CHD9: variants seen among roughly 807,000 people sequenced by gnomAD.
CHD9 encodes the protein chromodomain helicase DNA binding protein 9, also known as ATP-dependent chromatin remodeler CHD9.
CHD9 carries 77 observed loss-of-function variants against 316.1 expected under a neutral mutation model. The observed-to-expected ratio is 0.24, with a 90% CI of 0.20 to 0.29. The LOEUF is 0.29. Ranked by LOEUF, CHD9 falls within the 10% of genes least tolerant of loss-of-function variation. CHD9 has a pLI of 1.00. For missense variants in CHD9, 2,763 were observed against 3,438.1 expected (o/e 0.80, Z 4.91); for synonymous variants, 1,129 against 1,158.3 (o/e 0.97, Z 0.51).
chr16:53,307,600 C>T (rs967287778), intron 32 of CHD9, 81 bp from the exon 33 acceptor site: 1 of 1,293,546 alleles, frequency 7.7e-7, no homozygotes. Flanking sequence ...AGGGTTAAAT[C>T]CATAGACTCT....
chr16:53,059,585 T>C lies in CHD9; in HGVS notation c.-165+4508T>C, dbSNP rs547029626. 9.9e-5 allele frequency among the ~76,000 whole-genome samples: 15 copies of C among 152,266 alleles called. No individual in the cohort carries two copies. The East Asian group carries it at 2.7e-3, about 27-fold the overall frequency. ...GTCATAAAGATGTGGCAAAAGGAAA[T>C]GTGAGGTTCTGATTCAAACTGCCCC... On this transcript the variant is annotated intron_variant, in intron 1 of 38. Transcript: ENST00000447540.
intron 30 of CHD9, among the ~76,000 whole-genome samples, chr16:53,302,263 T>C (rs2055513217): frequency 6.6e-6 from 1 of 152,248 alleles, no homozygotes; most frequent in East Asian, 1.9e-4. Context: ...CGTAACAGGT[T>C]CTCAGCTGTT....
chr16:53,117,711 C>T (rs988152853), intron 1 of CHD9, among the ~76,000 whole-genome samples: 6 of 152,188 alleles, frequency 3.9e-5, no homozygotes, highest in South Asian at 2.1e-4. Flanking sequence ...CCATTGCACC[C>T]GGCCTGACAT....
intron 31 of CHD9, among the ~76,000 whole-genome samples, chr16:53,305,995 C>T (rs894374233): frequency 4.6e-5 from 7 of 152,112 alleles, no homozygotes; most frequent in African/African-American, 1.7e-4. Flanking sequence ...GAAGCTGAGG[C>T]AGGAGTATTG....
At position 53,079,626 on chromosome 16, in the gene CHD9, C is replaced by T. The variant is rs534523753; in HGVS notation, c.-165+24549C>T. On this transcript the variant is annotated intron_variant, in intron 1 of 38. Transcript: ENST00000447540. ...TCTTTTGGTTGGAATCCTAGATAGCCTCAGGGTATGGCTGGTCACCAAAAA... is the reference window on the plus strand; with the variant it reads ...TCTTTTGGTTGGAATCCTAGATAGCTTCAGGGTATGGCTGGTCACCAAAAA... Among the ~76,000 whole-genome samples the T allele has an allele frequency of 2.3e-3, 352 of 152,216 alleles. 3 individuals are homozygous for T. Among genetic ancestry groups the T allele is most frequent in the African/African-American group, 8.2e-3 (339 of 41,518 alleles).
intron 1 of CHD9, among the ~76,000 whole-genome samples, chr16:53,149,332 CTAT>C (rs2040895174): frequency 6.6e-6 from 1 of 152,090 alleles, no homozygotes; most frequent in Non-Finnish European, 1.5e-5. Flanking sequence ...GTTGGTCTAT[CTAT>C]TATTGAAAAT....
chr16:53,305,510 T>C (rs1267665338), intron 31 of CHD9, among the ~76,000 whole-genome samples: 1 of 152,242 alleles, frequency 6.6e-6, no homozygotes, highest in Non-Finnish European at 1.5e-5. Context: ...CACAGTAGTT[T>C]ATTTGTGATT....
chr16:53,163,248 T>A (rs1212466264), intron 2 of CHD9, among the ~76,000 whole-genome samples: 4 of 152,200 alleles, frequency 2.6e-5, no homozygotes, highest in Non-Finnish European at 5.9e-5. Context: ...TTCACTTTTG[T>A]TGCCCAGGCT....
chr16:53,250,249 A>G (rs2050012370), intron 17 of CHD9, 183 bp downstream of exon 17: 3 of 571,050 alleles, frequency 5.3e-6, no homozygotes, highest in South Asian at 2.4e-5. Flanking sequence ...CTATAATGAC[A>G]AAAATTTTTA....
intron 37 of CHD9, 132 bp from the exon 38 acceptor site, chr16:53,321,394 C>A (rs1189330661): frequency 1.6e-5 from 22 of 1,384,968 alleles, no homozygotes; most frequent in Non-Finnish European, 2.1e-5. Flanking sequence ...TTAATATAAT[C>A]ATAAAGATTA....
At chr16:53,075,745 T>C (rs1029066205) in intron 1 of CHD9, among the ~76,000 whole-genome samples, 1 of 152,192 alleles carries the variant, frequency 6.6e-6, no homozygotes, top group African/African-American at 2.4e-5. Context: ...TAAATCTCTT[T>C]TCCTTCCCAG....
At chr16:53,171,847 C>CACACACACACAG (rs2042759597) in intron 2 of CHD9, among the ~76,000 whole-genome samples, 6 of 74,708 alleles carry the variant, frequency 8.0e-5, no homozygotes, top group African/African-American at 3.0e-4. Context: ...CACACACACA[C>CACACACACACAG]ACACACACAC....
intron 1 of CHD9, among the ~76,000 whole-genome samples, chr16:53,089,984 G>A (rs1160453127): frequency 7.9e-5 from 12 of 152,336 alleles, no homozygotes; most frequent in African/African-American, 2.2e-4. Context: ...TGCAGGGCTG[G>A]TTCCTGGACT....
intron 29 of CHD9, 147 bp downstream of exon 29, chr16:53,293,199 A>T (rs1301288885): frequency 1.5e-6 from 1 of 645,480 alleles, no homozygotes; most frequent in African/African-American, 1.8e-5. Context: ...ACACACATAT[A>T]CTCACACATT....
rs189076927 is a variant in CHD9 at position 53,188,663 on chromosome 16, C to T, written c.1453-20819C>T. Among the ~76,000 whole-genome samples, 53 of 122,282 alleles carry T rather than the reference C, an allele frequency of 4.3e-4. 2 individuals carry two copies. Among genetic ancestry groups the T allele is most frequent in the African/African-American group, 7.4e-4 (23 of 31,156 alleles). 80.2% of individuals were successfully genotyped at this position (122,282 alleles called of 152,430 possible). ...AAGCTGGCGTGCAGTGGTACCATCT[C>T]GGCTCACTGCAACCTCCACCTCCCA... On this transcript the variant is annotated intron_variant, in intron 2 of 38. Transcript: ENST00000447540.
chr16:53,101,870 G>C (rs966195339), intron 1 of CHD9, among the ~76,000 whole-genome samples: 1 of 152,090 alleles, frequency 6.6e-6, no homozygotes, highest in Non-Finnish European at 1.5e-5. Context: ...TGGTGTCAGG[G>C]AGTTGGGCAT....
chr16:53,093,616 T>C (rs2036133460), intron 1 of CHD9, among the ~76,000 whole-genome samples: 1 of 152,214 alleles, frequency 6.6e-6, no homozygotes, highest in Non-Finnish European at 1.5e-5. Context: ...CCTTTCTGTT[T>C]GATAAGCACT....
chr16:53,316,920 C>G (rs1279321203), intron 36 of CHD9, among the ~76,000 whole-genome samples: 2 of 151,918 alleles, frequency 1.3e-5, no homozygotes, highest in African/African-American at 2.4e-5. Flanking sequence ...AGAAGATGGC[C>G]GGGTGCGGTA....
intron 1 of CHD9, among the ~76,000 whole-genome samples, chr16:53,082,360 C>T (rs1474351546): frequency 6.6e-6 from 1 of 152,138 alleles, no homozygotes; most frequent in Non-Finnish European, 1.5e-5. Flanking sequence ...ACCTCAGCCT[C>T]CTGAGTAGCT....
Sources: allele counts gnomAD v4.1 joint callset (sites outside exome capture counted in the v4.1 genomes callset), GRCh38; gene constraint gnomAD v4.1.1; transcripts MANE v1.5; gene names NCBI Gene and HGNC (gene_info 2026-07-23, HGNC 2026-07-21).